The following MTSS1 variants were observed in gnomAD, a reference collection of about 807,000 sequenced individuals.
MTSS1 encodes MTSS I-BAR domain containing 1, also known as protein MTSS 1.
MTSS1 carries 18 observed loss-of-function variants against 79.0 expected under a neutral mutation model. That is an observed-to-expected ratio of 0.23 (90% confidence interval 0.16 to 0.34). The LOEUF is 0.34. MTSS1 is among the 10% of genes least tolerant of loss of function. MTSS1 has a pLI of 1.00. For synonymous variants in MTSS1, 341 were observed against 368.6 expected, an observed-to-expected ratio of 0.93 and a Z score of 0.86; for missense variants, 815 against 986.2, an observed-to-expected ratio of 0.83 and a Z score of 2.33.
At chr8:124,608,046 C>A (rs1835163257) in intron 3 of MTSS1, among the ~76,000 whole-genome samples, 1 of 151,932 alleles carries the variant, frequency 6.6e-6, no homozygotes, top group South Asian at 2.1e-4. Context: ...CCCAGTCTTG[C>A]CCAATTACCA....
chr8:124,581,166 A>T (rs1035274799), intron 6 of MTSS1, among the ~76,000 whole-genome samples: 20 of 151,994 alleles, frequency 1.3e-4, no homozygotes, highest in Admixed American at 1.3e-3. Context: ...TCTCAAGAAA[A>T]GTCCCTGCTG....
chr8:124,610,293 G>A (rs576527355), intron 3 of MTSS1, among the ~76,000 whole-genome samples: 49 of 152,156 alleles, frequency 3.2e-4, no homozygotes, highest in Non-Finnish European at 6.5e-4. Context: ...GTACCCATAA[G>A]GCTGGAACCG....
intron 3 of MTSS1, among the ~76,000 whole-genome samples, chr8:124,688,303 AATGT>A (rs984304465): frequency 6.6e-6 from 1 of 150,490 alleles, no homozygotes; most frequent in African/African-American, 2.5e-5. Flanking sequence ...GTATGTTGTG[AATGT>A]ATGTGTATGT....
chr8:124,608,447 G>A (rs1206193798), intron 3 of MTSS1, among the ~76,000 whole-genome samples: 1 of 152,088 alleles, frequency 6.6e-6, no homozygotes, highest in Non-Finnish European at 1.5e-5. Flanking sequence ...TCATGGCCTC[G>A]CCTCCTCCGA....
intron 3 of MTSS1, among the ~76,000 whole-genome samples, chr8:124,627,796 A>C (rs986628209): frequency 6.6e-6 from 1 of 152,248 alleles, no homozygotes; most frequent in African/African-American, 2.4e-5. Flanking sequence ...GGAGAGAAGC[A>C]CAGGGAGACA....
At chr8:124,627,627 C>T (rs575668417) in intron 3 of MTSS1, among the ~76,000 whole-genome samples, 5 of 152,340 alleles carry the variant, frequency 3.3e-5, no homozygotes, top group South Asian at 4.1e-4. Context: ...GGAGCAGACA[C>T]GATGGGATCA....
At position 124,727,959 on chromosome 8, in the gene MTSS1, C is replaced by T; in HGVS notation, c.-4G>A. On this transcript the variant is annotated 5_prime_UTR_variant, in exon 1 of 14. Coordinates refer to ENST00000518547, the MANE Select transcript of MTSS1 (RefSeq NM_014751.6). This position sits in a 1 kb window ranked among gnomAD's most constrained non-coding sequence, Gnocchi z 4.7. ...CCTTCTCAATCACAGCCTCCATTTT[C>T]CCGGCTCCGGCAGGGCGAGGGCACA... 1 of 1,609,256 alleles carries T rather than the reference C, an allele frequency of 6.2e-7. No homozygotes were observed. The highest frequency in any genetic ancestry group is 8.5e-7 in the Non-Finnish European group (1 of 1,178,198).
intron 3 of MTSS1, chr8:124,699,002 G>A (rs1481472842): frequency 6.5e-6 from 1 of 153,288 alleles, no homozygotes; most frequent in Non-Finnish European, 1.4e-5. Context: ...ACGTTTTGGG[G>A]CTTCAGACAT....
chr8:124,633,474 G>A (rs1816395754), intron 3 of MTSS1, among the ~76,000 whole-genome samples: 1 of 152,106 alleles, frequency 6.6e-6, no homozygotes, highest in African/African-American at 2.4e-5. Context: ...CTCAGTAGGT[G>A]AAAACCTATC....
intron 1 of MTSS1, among the ~76,000 whole-genome samples, chr8:124,709,635 G>T (rs1035065060): frequency 1.3e-4 from 20 of 151,764 alleles, no homozygotes; most frequent in African/African-American, 4.6e-4. Context: ...ATTACACTGG[G>T]TTCTAAGAAA....
chr8:124,612,540 AG>A (rs1836005750), intron 3 of MTSS1, among the ~76,000 whole-genome samples: 1 of 150,230 alleles, frequency 6.7e-6, no homozygotes, highest in East Asian at 2.0e-4. Context: ...TGTCTTAAGC[AG>A]GAAAAACTGA....
At chr8:124,635,539 C>T (rs930084328) in intron 3 of MTSS1, among the ~76,000 whole-genome samples, 2 of 152,230 alleles carry the variant, frequency 1.3e-5, no homozygotes, top group African/African-American at 4.8e-5. Context: ...CCTATAAGAT[C>T]TCCCATGCCT....
chr8:124,584,594 C>T (rs558078268), intron 6 of MTSS1, among the ~76,000 whole-genome samples: 5 of 152,310 alleles, frequency 3.3e-5, no homozygotes, highest in African/African-American at 1.2e-4. Flanking sequence ...GATTATCAAG[C>T]TCCTCCCTCA....
At chr8:124,684,032 C>T (rs1337592694) in intron 3 of MTSS1, among the ~76,000 whole-genome samples, 3 of 152,204 alleles carry the variant, frequency 2.0e-5, no homozygotes, top group African/African-American at 7.2e-5. Context: ...TTTGCAGCCA[C>T]GGCCAAAACT....
chr8:124,630,179 G>A (rs975803084), intron 3 of MTSS1, among the ~76,000 whole-genome samples: 2 of 152,354 alleles, frequency 1.3e-5, no homozygotes, highest in South Asian at 4.1e-4. Context: ...ACCTTCAGAA[G>A]TGACCTATTT....
chr8:124,667,209 A>T (rs1823264480), intron 3 of MTSS1, among the ~76,000 whole-genome samples: 1 of 152,182 alleles, frequency 6.6e-6, no homozygotes, highest in Admixed American at 6.5e-5. Context: ...AGAGCTCACC[A>T]GGGGACCAGG....
intron 3 of MTSS1, among the ~76,000 whole-genome samples, chr8:124,627,992 C>A (rs1815072368): frequency 6.6e-6 from 1 of 152,134 alleles, no homozygotes. Flanking sequence ...CAAGGTGAAA[C>A]CCCGTCTCTA....
intron 4 of MTSS1, among the ~76,000 whole-genome samples, chr8:124,590,832 C>T (rs1054965693): frequency 4.6e-5 from 7 of 152,136 alleles, no homozygotes; most frequent in Admixed American, 6.6e-5. Flanking sequence ...CCTCTTCTTG[C>T]GAGGCTCCCG....
intron 3 of MTSS1, among the ~76,000 whole-genome samples, chr8:124,600,568 G>A (rs73704108): frequency 0.031 from 4,795 of 152,256 alleles, 230 homozygotes; most frequent in African/African-American, 0.11. Flanking sequence ...CCATTAGGCA[G>A]AGCGGTGATG....
Sources: gnomAD v4.1 joint callset for allele counts (sites outside exome capture counted in the v4.1 genomes callset) on GRCh38, gnomAD v4.1.1 for gene constraint, Gnocchi (gnomAD v3.1) non-coding constraint, MANE v1.5 for transcripts, NCBI Gene and HGNC (gene_info 2026-07-23, HGNC 2026-07-21) for gene names.